Variants in REV1 observed in about 807,000 individuals in gnomAD.
REV1 encodes translesion synthesis protein REV1.
In REV1, 42 loss-of-function variants were observed where a neutral mutation model predicts 137.4. That is an observed-to-expected ratio of 0.31 (90% CI 0.24 to 0.40). REV1 has a LOEUF of 0.40. Among genes scored for constraint, REV1 ranks in the 10% least tolerant of loss-of-function variants. REV1 has a pLI of 1.00. For synonymous variants in REV1, 524 were observed against 519.2 expected (o/e 1.01, Z -0.12); for missense variants, 1,282 against 1,490.1 (o/e 0.86, Z 2.30).
intron 1 of REV1, among the ~76,000 whole-genome samples, chr2:99,465,593 T>C (rs1684704316): frequency 6.6e-6 from 1 of 152,246 alleles, no homozygotes; most frequent in African/African-American, 2.4e-5. Flanking sequence ...GATGACCAAA[T>C]GATGGCTCAC....
At chr2:99,438,269 A>G (rs2104813546) in intron 6 of REV1, among the ~76,000 whole-genome samples, 1 of 152,222 alleles carries the variant, frequency 6.6e-6, no homozygotes, top group East Asian at 1.9e-4. Context: ...TCATTCTTAC[A>G]GGAGTTTAAG....
chr2:99,402,204 T>A (rs1675565813), intron 22 of REV1, 40 bp downstream of exon 22: 1 of 835,008 alleles, frequency 1.2e-6, no homozygotes, highest in African/African-American at 1.7e-5. Context: ...CATTGTGACA[T>A]GCCATTTTTT....
intron 17 of REV1, 134 bp from the exon 18 acceptor site, chr2:99,404,811 G>C (rs1458877744): frequency 1.4e-5 from 10 of 695,744 alleles, no homozygotes; most frequent in Non-Finnish European, 2.4e-5. Context: ...CATCAAGCTA[G>C]GAAAGCCACC....
At chr2:99,403,437 A>G in intron 19 of REV1, 1 of 573,222 alleles carries the variant, frequency 1.7e-6, no homozygotes, top group Admixed American at 3.1e-5. Flanking sequence ...CAAGTATTTA[A>G]GACATTTGTG....
chr2:99,411,484 G>A (rs1382213971), intron 13 of REV1, among the ~76,000 whole-genome samples: 1 of 145,108 alleles, frequency 6.9e-6, no homozygotes, highest in Non-Finnish European at 1.5e-5. Context: ...TCGGCTCACT[G>A]CAACCTCCGC....
intron 3 of REV1, among the ~76,000 whole-genome samples, chr2:99,460,665 A>G (rs1037855266): frequency 1.3e-5 from 2 of 152,104 alleles, no homozygotes; most frequent in African/African-American, 4.8e-5. Context: ...TAATTTTTCT[A>G]AAAATAAAGT....
At chr2:99,431,899 T>C in intron 8 of REV1, 1 of 985,410 alleles carries the variant, frequency 1.0e-6, no homozygotes, top group Non-Finnish European at 1.2e-6. Flanking sequence ...ACATGGAGAA[T>C]GTGGAGGAAC....
At chr2:99,408,534 C>T (rs1676657737) in intron 14 of REV1, 1 of 154,182 alleles carries the variant, frequency 6.5e-6, no homozygotes, top group African/African-American at 2.4e-5. Context: ...ATTATGTATG[C>T]TGAGGTATAG....
intron 4 of REV1, 60 bp downstream of exon 4, chr2:99,449,276 T>C: frequency 1.9e-6 from 2 of 1,080,424 alleles, no homozygotes; most frequent in Non-Finnish European, 2.5e-6. Flanking sequence ...AAAAAATAAA[T>C]AAATAAAAAG....
intron 13 of REV1, among the ~76,000 whole-genome samples, chr2:99,412,392 C>T (rs1374369138): frequency 6.6e-6 from 1 of 151,780 alleles, no homozygotes; most frequent in African/African-American, 2.4e-5. Flanking sequence ...ATTTTAACTA[C>T]AGCTTAAAAA....
chr2:99,463,550 GTTC>G (rs1559392578), intron 2 of REV1, among the ~76,000 whole-genome samples: 1 of 152,174 alleles, frequency 6.6e-6, no homozygotes. Flanking sequence ...ACAAAATATT[GTTC>G]TTATGTACAC....
rs973212793 is a variant in REV1, at chr2:99,489,969, C to G, written c.-163G>C. 6.7e-6 allele frequency: 1 copy of G among 149,974 alleles called. No homozygotes were observed. Among genetic ancestry groups the G allele is most frequent in the African/African-American group, 2.4e-5 (1 of 41,164 alleles). The allele number at this position is 149,974 out of a possible 1,614,324, so 9.3% of individuals were successfully genotyped here. ...CCGCTGAGCAGCGCCGCGGTCCACG[C>G]TCCCCCACGCTCGCGGCAACCAACC... On this transcript the variant is annotated 5_prime_UTR_variant, in exon 1 of 23. Coordinates refer to ENST00000258428, the MANE Select transcript of REV1 (RefSeq NM_016316.4).
At chr2:99,448,117 C>T (rs961838923) in intron 4 of REV1, among the ~76,000 whole-genome samples, 1 of 152,092 alleles carries the variant, frequency 6.6e-6, no homozygotes, top group Non-Finnish European at 1.5e-5. Context: ...GCTGCTTCTC[C>T]GTGAATTTAT....
Position 99,485,252 on chromosome 2 carries a change from T to C in REV1, c.-11+4565A>G, listed in dbSNP as rs377468862. On this transcript the variant is annotated intron_variant, in intron 1 of 22. Transcript: ENST00000258428. ...TGAGAATAATTCAAGTTGTATTAGC[T>C]GAAAATATCTATTATTACAAAGTCA... is the stretch of plus-strand genomic sequence containing the variant. Among the ~76,000 whole-genome samples, 29 of 152,358 alleles carry C rather than the reference T, an allele frequency of 1.9e-4. No individual in the cohort carries two copies. In the South Asian group the frequency reaches 5.6e-3, roughly 29 times the overall value.
At chr2:99,411,998 C>T (rs1677223752) in intron 13 of REV1, among the ~76,000 whole-genome samples, 1 of 151,796 alleles carries the variant, frequency 6.6e-6, no homozygotes, top group African/African-American at 2.4e-5. Context: ...CTTTAGGAGG[C>T]TGAGGCGGGC....
At chr2:99,462,474 G>T in intron 3 of REV1, 22 bp downstream of exon 3, 2 of 1,570,910 alleles carry the variant, frequency 1.3e-6, no homozygotes, top group Non-Finnish European at 1.7e-6. Context: ...GCCAAAATAG[G>T]GTTAAGTAAA....
At chr2:99,410,274 G>A (rs1676955164) in intron 14 of REV1, among the ~76,000 whole-genome samples, 1 of 152,120 alleles carries the variant, frequency 6.6e-6, no homozygotes, top group Non-Finnish European at 1.5e-5. Flanking sequence ...GCCTCCCAAA[G>A]TGCTGGGATT....
intron 7 of REV1, among the ~76,000 whole-genome samples, chr2:99,434,784 G>A (rs1007085441): frequency 6.6e-6 from 1 of 152,128 alleles, no homozygotes; most frequent in African/African-American, 2.4e-5. Context: ...GACTTAAGTA[G>A]TGGGGAAAGA....
intron 1 of REV1, among the ~76,000 whole-genome samples, chr2:99,481,777 G>A (rs542665404): frequency 1.3e-5 from 2 of 152,292 alleles, no homozygotes; most frequent in African/African-American, 4.8e-5. Context: ...GCTGAGGCAG[G>A]AGGATCACTT....
Sources: allele counts gnomAD v4.1 joint callset (sites outside exome capture counted in the v4.1 genomes callset), GRCh38; gene constraint gnomAD v4.1.1; transcripts MANE v1.5; gene names NCBI Gene and HGNC (gene_info 2026-07-23, HGNC 2026-07-21).